Variants in ECI1 observed in about 807,000 individuals in gnomAD.
ECI1 encodes the protein enoyl-CoA delta isomerase 1.
Under a neutral mutation model 34.2 loss-of-function variants are expected in ECI1, and 34 were observed. The observed-to-expected ratio is 1.00, with a 90% CI of 0.76 to 1.33. ECI1 has a LOEUF of 1.33. Among genes scored for constraint, ECI1 ranks in the 40% most tolerant of loss-of-function variants. The pLI is 0.00. For missense variants in ECI1, 456 were observed against 422.2 expected, an observed-to-expected ratio of 1.08 and a Z score of -0.70; for synonymous variants, 211 against 193.0, an observed-to-expected ratio of 1.09 and a Z score of -0.77.
chr16:2,243,360 A>T lies in ECI1; in HGVS notation c.521T>A (p.Ile174Lys), dbSNP rs897673765. ...RILADNPRYC[I>K]GLNETQLGII... ...GCCCAGCTGGGTCTCATTGAGTCCTATGCAGTACCTGGGGTTGTCCGCCAG... is the reference window on the plus strand; with the variant it reads ...GCCCAGCTGGGTCTCATTGAGTCCTTTGCAGTACCTGGGGTTGTCCGCCAG... Residue 174 changes from isoleucine to lysine, a missense_variant, in exon 5 of 7, where the codon ATA becomes AAA. Ile to Lys is a moderately radical substitution (Grantham distance 102). Transcript: ENST00000301729. The T allele has an allele frequency of 6.2e-7, 1 of 1,613,764 alleles. No individual in the cohort carries two copies. The highest frequency in any genetic ancestry group is 1.7e-5 in the Admixed American group (1 of 60,028).
In ECI1 at chr16:2,243,031, T is replaced by C. The variant is rs1402280301; in HGVS notation, c.742+15A>G. 3 of 1,597,044 alleles carry C rather than the reference T, an allele frequency of 1.9e-6. No individual in the cohort carries two copies. The highest frequency in any genetic ancestry group is 4.5e-5 in the East Asian group (2 of 44,850). ...CCCCAGCATCATCGGGCGCCCGCCA[T>C]GCCCCGTGCCTCACCTGGAATGGCC... On this transcript the variant is annotated intron_variant, in intron 6 of 6. Transcript: ENST00000301729.
chr16:2,251,475 C>G, intron 1 of ECI1, 40 bp downstream of exon 1: 1 of 1,541,232 alleles, frequency 6.5e-7, no homozygotes, highest in Non-Finnish European at 8.7e-7. Context: ...GGTCCTGGCC[C>G]CGGCCCCGGC....
intron 2 of ECI1, among the ~76,000 whole-genome samples, chr16:2,248,831 T>A (rs557816668): frequency 6.6e-6 from 1 of 152,246 alleles, no homozygotes; most frequent in South Asian, 2.1e-4. Flanking sequence ...CCAAAAGGAA[T>A]CCCTGTCCCC....
At chr16:2,242,287 C>G (rs957507649) in intron 6 of ECI1, 1 of 152,368 alleles carries the variant, frequency 6.6e-6, no homozygotes, top group East Asian at 1.9e-4. Context: ...GCCACCGCAC[C>G]TGGCCCACTG....
In ECI1 at chr16:2,243,303, A is replaced by G; in HGVS notation, c.563+15T>C. On this transcript the variant is annotated intron_variant, in intron 5 of 6. Coordinates refer to ENST00000301729, the MANE Select transcript of ECI1 (RefSeq NM_001919.4). ...CACAACAAGCATGGAGCGTGGCTGC[A>G]GCCCAGGGCCTTACCAGAAAGGGGC... 1 of 1,613,556 alleles carries G rather than the reference A, an allele frequency of 6.2e-7. No homozygotes were observed. Among genetic ancestry groups the G allele is most frequent in the Non-Finnish European group, 8.5e-7 (1 of 1,180,028 alleles).
At chr16:2,248,893 C>A (rs1047565171) in intron 2 of ECI1, among the ~76,000 whole-genome samples, 1 of 152,110 alleles carries the variant, frequency 6.6e-6, no homozygotes, top group African/African-American at 2.4e-5. Flanking sequence ...CGCCAGTCTG[C>A]GTTCTGTGTC....
At chr16:2,250,041 T>C (rs1258633680) in intron 2 of ECI1, among the ~76,000 whole-genome samples, 4 of 149,952 alleles carry the variant, frequency 2.7e-5, no homozygotes, top group Admixed American at 1.3e-4. Flanking sequence ...TTTTTTTTTT[T>C]GCATTTTGTT....
At chr16:2,245,721 CA>C (rs755601192) in intron 3 of ECI1, among the ~76,000 whole-genome samples, 1 of 151,776 alleles carries the variant, frequency 6.6e-6, no homozygotes, top group Admixed American at 6.6e-5. Flanking sequence ...AAAAATTAAG[CA>C]AAAAAATTAA....
chr16:2,249,549 C>T (rs1055414920), intron 2 of ECI1, among the ~76,000 whole-genome samples: 2 of 151,918 alleles, frequency 1.3e-5, no homozygotes, highest in African/African-American at 4.8e-5. Context: ...AATTTTTTTA[C>T]TCGAGTGCCT....
At chr16:2,244,112 C>T (rs1477226378) in intron 4 of ECI1, 7 of 502,232 alleles carry the variant, frequency 1.4e-5, no homozygotes, top group Non-Finnish European at 2.6e-5. Context: ...GGTCCGATCA[C>T]CCACTCACCC....
At chr16:2,243,522 C>T in intron 4 of ECI1, 83 bp from the exon 5 acceptor site, 5 of 1,568,226 alleles carry the variant, frequency 3.2e-6, no homozygotes, top group Non-Finnish European at 4.3e-6. Context: ...GAAGGAGGGC[C>T]TGTGCCCTTG....
At chr16:2,247,361 C>T (rs1225977969) in intron 2 of ECI1, among the ~76,000 whole-genome samples, 1 of 152,218 alleles carries the variant, frequency 6.6e-6, no homozygotes, top group African/African-American at 2.4e-5. Flanking sequence ...TCCCAAAGTG[C>T]TGGGATTACA....
intron 4 of ECI1, among the ~76,000 whole-genome samples, chr16:2,243,721 G>A (rs1170332205): frequency 2.0e-5 from 3 of 152,188 alleles, no homozygotes; most frequent in African/African-American, 7.2e-5. Flanking sequence ...ATTCAGTTAG[G>A]GGAGCAAGTC....
At chr16:2,251,264 C>A in intron 2 of ECI1, 52 bp downstream of exon 2, 2 of 919,032 alleles carry the variant, frequency 2.2e-6, no homozygotes, top group Non-Finnish European at 2.8e-6. Context: ...CGAGCGCGGA[C>A]CCCCGCGGGT....
chr16:2,243,486 C>A, intron 4 of ECI1, 47 bp from the exon 5 acceptor site: 1 of 1,604,016 alleles, frequency 6.2e-7, no homozygotes, highest in African/African-American at 1.3e-5. Context: ...CTGGTCCCAA[C>A]CACATTCCAG....
At chr16:2,247,018 ACCTGGCACTGGAAAAGCAG>A (rs2093542003) in intron 2 of ECI1, 32 bp from the exon 3 acceptor site, 1 of 1,608,392 alleles carries the variant, frequency 6.2e-7, no homozygotes, top group African/African-American at 1.3e-5. Flanking sequence ...GAAAGCTCAC[ACCTGGCACTGGAAAAGCAG>A]CCTGACCAGC....
At chr16:2,240,409 T>C in intron 6 of ECI1, 1 of 421,408 alleles carries the variant, frequency 2.4e-6, no homozygotes, top group Admixed American at 3.6e-5. Context: ...TGGGATTTCC[T>C]CATGTTGGCC....
chr16:2,248,152 A>G (rs1273707799), intron 2 of ECI1, among the ~76,000 whole-genome samples: 3 of 151,998 alleles, frequency 2.0e-5, no homozygotes, highest in East Asian at 1.9e-4. Flanking sequence ...GCTGGAGTGC[A>G]GTGGCGCGAT....
intron 6 of ECI1, chr16:2,240,375 C>T: frequency 2.0e-6 from 1 of 494,254 alleles, no homozygotes; most frequent in Non-Finnish European, 3.7e-6. Flanking sequence ...CCACACCCGG[C>T]TAATTTTGTA....
Sources: allele counts gnomAD v4.1 joint callset (sites outside exome capture counted in the v4.1 genomes callset), GRCh38; gene constraint gnomAD v4.1.1; transcripts MANE v1.5; gene names NCBI Gene and HGNC (gene_info 2026-07-23, HGNC 2026-07-21).